Variants in RPA1 observed in about 807,000 individuals in gnomAD.
RPA1 encodes the protein replication protein A1.
In RPA1, 49 loss-of-function variants were observed where a neutral mutation model predicts 83.0. The observed-to-expected ratio is 0.59, with a 90% CI of 0.47 to 0.75. The LOEUF (loss-of-function observed/expected upper bound fraction) is 0.75. RPA1 is among the 30% of genes least tolerant of loss of function. The pLI is 0.00. For synonymous variants in RPA1, 279 were observed against 281.8 expected (o/e 0.99, Z 0.10); for missense variants, 693 against 776.1 (o/e 0.89, Z 1.27).
chr17:1,866,461 C>A (rs1231215750), intron 5 of RPA1, among the ~76,000 whole-genome samples: 1 of 152,040 alleles, frequency 6.6e-6, no homozygotes, highest in African/African-American at 2.4e-5. Context: ...ACCACAGGAG[C>A]CCACCACCAC....
chr17:1,866,318 T>A (rs1913172941), intron 5 of RPA1, among the ~76,000 whole-genome samples: 1 of 152,096 alleles, frequency 6.6e-6, no homozygotes, highest in Non-Finnish European at 1.5e-5. Flanking sequence ...TCTTTTTTTT[T>A]TCTTTTTTCT....
Position 1,884,028 on chromosome 17 carries a change from C to G in RPA1, c.1374+84C>G. ...TTAGAAACTTGGTTTCCAGCACCAGCTGTCAGAGCCGTAATTCTTACCCGG... is the reference window on the plus strand; with the variant it reads ...TTAGAAACTTGGTTTCCAGCACCAGGTGTCAGAGCCGTAATTCTTACCCGG... On this transcript the variant is annotated intron_variant, in intron 13 of 16. Coordinates refer to ENST00000254719, the MANE Select transcript of RPA1 (RefSeq NM_002945.5). The surrounding 1 kb of genome is among the most constrained non-coding windows in gnomAD (Gnocchi z 4.1). The G allele has an allele frequency of 6.4e-7, 1 of 1,565,866 alleles. No homozygotes were observed. Among genetic ancestry groups the G allele is most frequent in the Non-Finnish European group, 8.7e-7 (1 of 1,148,320 alleles).
chr17:1,831,394 A>T (rs975217747), intron 1 of RPA1, among the ~76,000 whole-genome samples: 2 of 151,884 alleles, frequency 1.3e-5, no homozygotes, highest in East Asian at 3.9e-4. Context: ...GCGTAGATCT[A>T]TCAAGCCCAC....
In RPA1 at chr17:1,858,468, T is replaced by C. The variant is rs1597435696; in HGVS notation, c.361+5279T>C. The C allele has an allele frequency of 4.9e-6, 6 of 1,219,216 alleles. No homozygotes were observed. In the East Asian group the frequency reaches 1.4e-4, roughly 29 times the overall value. 75.5% of individuals were successfully genotyped at this position (1,219,216 alleles called of 1,614,324 possible). A position where few individuals can be genotyped will look rare whatever the true frequency, so the allele number is the denominator to read the frequency against. ...CCATCTTGGGTTCTGGTCTCTCTTT[T>C]TCTTTTTTTTTTTGAGACAGAGTCT... On this transcript the variant is annotated intron_variant, in intron 5 of 16. Coordinates refer to ENST00000254719, the MANE Select transcript of RPA1 (RefSeq NM_002945.5).
intron 3 of RPA1, 47 bp downstream of exon 3, chr17:1,844,045 A>G: frequency 6.5e-7 from 1 of 1,540,462 alleles, no homozygotes; most frequent in Non-Finnish European, 9.0e-7. Flanking sequence ...TTTAAATAGT[A>G]GAAGCACACC....
chr17:1,878,886 T>A, intron 8 of RPA1, 107 bp from the exon 9 acceptor site: 1 of 1,048,904 alleles, frequency 9.5e-7, no homozygotes. Context: ...GCTCTCAAGA[T>A]GTCACTTTGG....
At chr17:1,881,248 AAG>A (rs2151287969) in intron 12 of RPA1, among the ~76,000 whole-genome samples, 2 of 152,292 alleles carry the variant, frequency 1.3e-5, no homozygotes, top group Admixed American at 1.3e-4. Flanking sequence ...TCTGTCTTAA[AAG>A]AGTACTTCAA....
rs1011277308 is a variant in RPA1 at position 1,899,654 on chromosome 17, A to G, written c.*2479A>G. On this transcript the variant is annotated 3_prime_UTR_variant, in exon 17 of 17. Coordinates refer to ENST00000254719, the MANE Select transcript of RPA1 (RefSeq NM_002945.5). ...TCTTCAAAAAGTATAAATACTATTG[A>G]TCGTGGTATTTAATACACTAATGAA... 5 of 152,298 alleles carry G rather than the reference A, an allele frequency of 3.3e-5. No individual in the cohort carries two copies. The South Asian group carries it at 1.0e-3, about 32-fold the overall frequency. 9.4% of individuals were successfully genotyped at this position (152,298 alleles called of 1,614,324 possible). A position where few individuals can be genotyped will look rare whatever the true frequency, so the allele number is the denominator to read the frequency against.
chr17:1,858,175 A>G (rs1912790891), intron 5 of RPA1: 11 of 1,613,880 alleles, frequency 6.8e-6, no homozygotes, highest in African/African-American at 1.3e-5. Context: ...GGTATGATAC[A>G]TGAGAGGGAA....
At chr17:1,844,368 T>C (rs1912176764) in intron 3 of RPA1, among the ~76,000 whole-genome samples, 1 of 152,232 alleles carries the variant, frequency 6.6e-6, no homozygotes. Flanking sequence ...TAAATGATTT[T>C]GGCCACTTTA....
chr17:1,875,583 A>G (rs1597447903), intron 6 of RPA1, 78 bp from the exon 7 acceptor site: 10 of 1,483,852 alleles, frequency 6.7e-6, no homozygotes, highest in Non-Finnish European at 9.1e-6. Flanking sequence ...TCCAAAATTT[A>G]GAGTTATTGT....
At chr17:1,871,196 G>C (rs1913365606) in intron 5 of RPA1, among the ~76,000 whole-genome samples, 1 of 152,114 alleles carries the variant, frequency 6.6e-6, no homozygotes, top group African/African-American at 2.4e-5. Flanking sequence ...TCAATAATCT[G>C]GCTCTTTTTC....
At chr17:1,876,088 A>C (rs1913562602) in intron 7 of RPA1, among the ~76,000 whole-genome samples, 1 of 152,240 alleles carries the variant, frequency 6.6e-6, no homozygotes, top group Non-Finnish European at 1.5e-5. Context: ...ATCAGTTGAT[A>C]GTCTTATGAG....
rs1913891623 is a variant in RPA1 at position 1,883,797 on chromosome 17, C to T, written c.1242-15C>T. ...ACATCAAGCGCTCGTCATCGTTATT[C>T]GTTCACGTTTTCAGGTTTGACGCAG... On this transcript the variant is annotated splice_polypyrimidine_tract_variant and intron_variant, in intron 12 of 16. Coordinates refer to ENST00000254719, the MANE Select transcript of RPA1 (RefSeq NM_002945.5). The T allele has an allele frequency of 3.7e-6, 6 of 1,613,866 alleles. No homozygotes were observed. The highest frequency in any genetic ancestry group is 5.1e-6 in the Non-Finnish European group (6 of 1,179,840).
At chr17:1,880,775 C>T in intron 12 of RPA1, 84 bp downstream of exon 12, 1 of 1,556,770 alleles carries the variant, frequency 6.4e-7, no homozygotes. Context: ...GAGCTTTCTG[C>T]CAAGCAGAAG....
At chr17:1,880,346 T>C (rs1169556795) in intron 11 of RPA1, among the ~76,000 whole-genome samples, 197 bp from the exon 12 acceptor site, 2 of 152,226 alleles carry the variant, frequency 1.3e-5, no homozygotes, top group African/African-American at 4.8e-5. Flanking sequence ...AAATGCTCTT[T>C]CCCCTAACTC....
chr17:1,838,346 G>A (rs967922974), intron 1 of RPA1, among the ~76,000 whole-genome samples: 6 of 151,590 alleles, frequency 4.0e-5, no homozygotes, highest in African/African-American at 1.2e-4. Context: ...GCTAACGCCT[G>A]TAATCCCAGC....
intron 5 of RPA1, chr17:1,858,369 A>G: frequency 1.2e-6 from 2 of 1,604,322 alleles, no homozygotes; most frequent in African/African-American, 1.3e-5. Flanking sequence ...GAAGAGACCA[A>G]TTTCTGATAC....
intron 1 of RPA1, among the ~76,000 whole-genome samples, chr17:1,831,118 C>G (rs1427822871): frequency 1.3e-5 from 2 of 152,140 alleles, no homozygotes; most frequent in Non-Finnish European, 2.9e-5. Flanking sequence ...TCACAAATTT[C>G]TTTGTACAGA....
Sources: allele counts gnomAD v4.1 joint callset (sites outside exome capture counted in the v4.1 genomes callset), GRCh38; gene constraint gnomAD v4.1.1; non-coding constraint Gnocchi (gnomAD v3.1); transcripts MANE v1.5; gene names NCBI Gene and HGNC (gene_info 2026-07-23, HGNC 2026-07-21).